Variants in ZSCAN32 observed in about 807,000 individuals in gnomAD.
ZSCAN32 encodes the protein zinc finger and SCAN domain-containing protein 32.
ZSCAN32 carries 52 observed loss-of-function variants against 47.4 expected under a neutral mutation model. The observed-to-expected ratio is 1.10, with a 90% CI of 0.88 to 1.38. ZSCAN32 has a LOEUF of 1.38. Among genes scored for constraint, ZSCAN32 ranks in the 40% most tolerant of loss-of-function variants. ZSCAN32 has a pLI of 0.00. For missense variants in ZSCAN32, 959 were observed against 846.0 expected, an observed-to-expected ratio of 1.13 and a Z score of -1.66; for synonymous variants, 346 against 305.7, an observed-to-expected ratio of 1.13 and a Z score of -1.38.
In ZSCAN32 at chr16:3,399,075, T is replaced by G. The variant is rs183120045; in HGVS notation, c.-187-1331A>C. Among the ~76,000 whole-genome samples, 295 of 152,116 alleles carry G rather than the reference T, an allele frequency of 1.9e-3. 1 individual carries two copies. Among genetic ancestry groups the G allele is most frequent in the African/African-American group, 6.7e-3 (276 of 41,500 alleles). On this transcript the variant is annotated intron_variant, in intron 1 of 6. Coordinates refer to ENST00000396852, the MANE Select transcript of ZSCAN32 (RefSeq NM_001284527.2). ...GTCTCTACTAAAAATACAAAAAAAT[T>G]AGCTGGGCATGGTGGCACGCACCTG...
At chr16:3,397,779 C>G in intron 1 of ZSCAN32, 35 bp from the exon 2 acceptor site, 1 of 504,308 alleles carries the variant, frequency 2.0e-6, no homozygotes, top group East Asian at 3.4e-5. Flanking sequence ...ATAAACCTAT[C>G]AAACATTCCT....
At position 3,384,811 on chromosome 16, in the gene ZSCAN32, G is replaced by C. The variant is rs897497535; in HGVS notation, c.882C>G (p.Leu294=). The change falls in exon 6 of 7, where the codon CTC becomes CTG. Residue 294 remains leucine, a synonymous_variant. Transcript: ENST00000396852. ...SQIYRAMAEG[L]WEQGFLRTPE... is the part of the protein sequence containing the mutation. ...GGGTCCGCAGAAAACCCTGCTCCCA[G>C]AGTCCTTCCGCCATGGCCCTGTAGA... 2 of 1,614,208 alleles carry C rather than the reference G, an allele frequency of 1.2e-6. No homozygotes were observed. The highest frequency in any genetic ancestry group is 1.7e-6 in the Non-Finnish European group (2 of 1,180,034).
chr16:3,385,696 G>T (rs1384865179), intron 5 of ZSCAN32, among the ~76,000 whole-genome samples: 1 of 152,156 alleles, frequency 6.6e-6, no homozygotes, highest in South Asian at 2.1e-4. Context: ...AATGGGGAAA[G>T]GATTCCCTAT....
chr16:3,385,012 C>T, intron 5 of ZSCAN32, 71 bp from the exon 6 acceptor site: 2 of 1,514,860 alleles, frequency 1.3e-6, no homozygotes, highest in East Asian at 4.5e-5. Context: ...CTGCAGTGTG[C>T]AGTTTTGGCA....
chr16:3,400,075 C>T (rs939054583), intron 1 of ZSCAN32, among the ~76,000 whole-genome samples: 4 of 152,126 alleles, frequency 2.6e-5, no homozygotes, highest in African/African-American at 7.2e-5. Context: ...CTGAGCTGTA[C>T]ACTTAAAAAT....
intron 6 of ZSCAN32, chr16:3,384,027 G>C (rs17136367): frequency 0.14 from 58,895 of 422,882 alleles, 4,367 homozygotes; most frequent in Middle Eastern, 0.25. Flanking sequence ...CTCAATTCTT[G>C]AATGTTCTAA....
intron 1 of ZSCAN32, among the ~76,000 whole-genome samples, chr16:3,398,683 C>G (rs777625748): frequency 1.3e-5 from 2 of 152,196 alleles, no homozygotes; most frequent in African/African-American, 4.8e-5. Flanking sequence ...TCCTTCCCTT[C>G]TTCCCTCACA....
intron 1 of ZSCAN32, among the ~76,000 whole-genome samples, chr16:3,398,056 T>C (rs899736494): frequency 6.6e-6 from 1 of 152,164 alleles, no homozygotes; most frequent in South Asian, 2.1e-4. Flanking sequence ...GTTTGAATGA[T>C]AATAACCCTT....
At chr16:3,390,389 A>G in intron 4 of ZSCAN32, 34 bp downstream of exon 4, 1 of 1,521,800 alleles carries the variant, frequency 6.6e-7, no homozygotes, top group Non-Finnish European at 8.9e-7. Flanking sequence ...GAGAGTGGGT[A>G]CTCAAGAGAC....
In ZSCAN32 at chr16:3,400,962, G is replaced by T. The variant is rs371854334; in HGVS notation, c.-205C>A. On this transcript the variant is annotated 5_prime_UTR_variant, in exon 1 of 7. Transcript: ENST00000396852. ...GAACTCACCGGACACCAGCACTCGCGACTCCACAAACTCCCTCAGCCTCCG... is the reference window on the plus strand; with the variant it reads ...GAACTCACCGGACACCAGCACTCGCTACTCCACAAACTCCCTCAGCCTCCG... The T allele has an allele frequency of 1.3e-5, 2 of 152,576 alleles. No individual in the cohort carries two copies. Among genetic ancestry groups the T allele is most frequent in the Non-Finnish European group, 2.9e-5 (2 of 68,204 alleles). The allele number at this position is 152,576 out of a possible 1,614,324, so 9.5% of individuals were successfully genotyped here. A position where few individuals can be genotyped will look rare whatever the true frequency, so the allele number is the denominator to read the frequency against.
intron 4 of ZSCAN32, 62 bp downstream of exon 4, chr16:3,390,361 G>C (rs922231915): frequency 4.7e-5 from 68 of 1,454,514 alleles, no homozygotes; most frequent in Non-Finnish European, 6.2e-5. Context: ...TCTCTGGAAA[G>C]GAGGAGGGTT....
At chr16:3,395,817 G>C (rs1336772669) in intron 2 of ZSCAN32, among the ~76,000 whole-genome samples, 2 of 152,074 alleles carry the variant, frequency 1.3e-5, no homozygotes, top group Non-Finnish European at 2.9e-5. Flanking sequence ...TAAGCAACAT[G>C]GCAAAACCTC....
chr16:3,400,146 T>C (rs2033752266), intron 1 of ZSCAN32, among the ~76,000 whole-genome samples: 2 of 152,202 alleles, frequency 1.3e-5, no homozygotes, highest in Non-Finnish European at 2.9e-5. Flanking sequence ...TAAAAATGGA[T>C]TTGGGTTCCC....
chr16:3,395,547 G>A (rs1375826307), intron 2 of ZSCAN32, among the ~76,000 whole-genome samples: 1 of 152,042 alleles, frequency 6.6e-6, no homozygotes, highest in Non-Finnish European at 1.5e-5. Flanking sequence ...AGTTTCCTGA[G>A]GCCTCCACAG....
chr16:3,385,116 A>C (rs767535778), intron 5 of ZSCAN32, among the ~76,000 whole-genome samples, 175 bp from the exon 6 acceptor site: 2 of 152,168 alleles, frequency 1.3e-5, no homozygotes, highest in Non-Finnish European at 2.9e-5. Flanking sequence ...TGAGGTCAAG[A>C]GATCGAGACC....
rs776880964 is a variant in ZSCAN32, at chr16:3,384,574, G to A, written c.1119C>T (p.Pro373=). The part of the protein sequence containing the change: ...AGELNHQNGE[P]TEVEDGTVDG... ...CCACAGTGCCATCTTCTACCTCCGT[G>A]GGTTCCCCATTCTGGTGATTCAGCT... Residue 373 remains proline, a synonymous_variant, in exon 6 of 7, where the codon CCC becomes CCT. Coordinates refer to ENST00000396852, the MANE Select transcript of ZSCAN32 (RefSeq NM_001284527.2). 8 of 1,614,124 alleles carry A rather than the reference G, an allele frequency of 5.0e-6. No homozygotes were observed. The highest frequency in any genetic ancestry group is 1.1e-5 in the South Asian group (1 of 91,086).
In ZSCAN32 at chr16:3,397,527, G is replaced by GT. The variant is rs1455386586; in HGVS notation, c.30dup (p.His11ThrfsTer19). The GT allele has an allele frequency of 9.0e-6, 14 of 1,549,164 alleles. No homozygotes were observed. Among genetic ancestry groups the GT allele is most frequent in the African/African-American group, 2.7e-5 (2 of 73,008 alleles). On this transcript the variant is annotated frameshift_variant, in exon 2 of 7. Coordinates refer to ENST00000396852, the MANE Select transcript of ZSCAN32 (RefSeq NM_001284527.2). LOFTEE classifies it high-confidence loss of function. ...GTGGGATCCTTGTTTGAGGATGGGT[G>GT]TGCCTCGGTACTCTTCACTGCAGCC... is the stretch of plus-strand genomic sequence containing the variant.
chr16:3,392,284 C>T (rs1486533856), intron 3 of ZSCAN32, among the ~76,000 whole-genome samples: 1 of 152,018 alleles, frequency 6.6e-6, no homozygotes, highest in Non-Finnish European at 1.5e-5. Flanking sequence ...GAGGTGATGG[C>T]TGCATAACAC....
Position 3,390,444 on chromosome 16 carries a change from C to A in ZSCAN32, c.606G>T (p.Val202=). 1 of 1,550,236 alleles carries A rather than the reference C, an allele frequency of 6.5e-7. No homozygotes were observed. Residue 202 remains valine, a synonymous_variant, in exon 4 of 7, where the codon GTG becomes GTT. Transcript: ENST00000396852. The part of the protein sequence containing the change: ...TGLHDQETGA[V]VWTAGSQGPA... ...TCACCTGGGACCCAGCTGTCCAGAC[C>A]ACAGCACCTGTCTCCTGGTCGTGGA...
Sources: gnomAD v4.1 joint callset for allele counts (sites outside exome capture counted in the v4.1 genomes callset) on GRCh38, gnomAD v4.1.1 for gene constraint, MANE v1.5 for transcripts, NCBI Gene and HGNC (gene_info 2026-07-23, HGNC 2026-07-21) for gene names.